Variants in PITPNM2 observed in about 807,000 individuals in gnomAD.
The protein encoded by PITPNM2 is phosphatidylinositol transfer protein membrane associated 2.
PITPNM2 carries 35 observed loss-of-function variants against 132.2 expected under a neutral mutation model. That is an observed-to-expected ratio of 0.26 (90% CI 0.20 to 0.35). The LOEUF (loss-of-function observed/expected upper bound fraction) is 0.35. Among genes scored for constraint, PITPNM2 ranks in the 10% least tolerant of loss-of-function variants. PITPNM2 has a pLI of 1.00. For missense variants in PITPNM2, 1,332 were observed against 1,912.0 expected, an observed-to-expected ratio of 0.70 and a Z score of 5.66; for synonymous variants, 738 against 799.2, an observed-to-expected ratio of 0.92 and a Z score of 1.29.
chr12:123,120,057 G>A (rs1324780580), intron 1 of PITPNM2, among the ~76,000 whole-genome samples: 3 of 152,134 alleles, frequency 2.0e-5, no homozygotes, highest in South Asian at 2.1e-4. Context: ...ATGGCCTGCC[G>A]GGGTTTTGCT....
intron 2 of PITPNM2, among the ~76,000 whole-genome samples, chr12:123,103,743 C>A (rs913548009): frequency 6.6e-6 from 1 of 152,178 alleles, no homozygotes; most frequent in African/African-American, 2.4e-5. Context: ...CAAGTCACTT[C>A]TTTTCTTAGG....
intron 2 of PITPNM2, among the ~76,000 whole-genome samples, chr12:123,065,019 C>T (rs1368737099): frequency 6.6e-6 from 1 of 152,230 alleles, no homozygotes; most frequent in Non-Finnish European, 1.5e-5. Context: ...CAGAGCCTTG[C>T]TCAGAGTCTC....
rs189776824 is a variant in PITPNM2 at position 123,023,244 on chromosome 12, G to A, written c.79-9202C>T. Among the ~76,000 whole-genome samples the A allele has an allele frequency of 6.6e-6, 1 of 152,340 alleles. No individual in the cohort carries two copies. The highest frequency in any genetic ancestry group is 2.4e-5 in the African/African-American group (1 of 41,576). On this transcript the variant is annotated intron_variant, in intron 3 of 25. Coordinates refer to ENST00000320201, the MANE Select transcript of PITPNM2 (RefSeq NM_020845.3). This position sits in a 1 kb window ranked among gnomAD's most constrained non-coding sequence, Gnocchi z 4.8. ...ACTGAGGGCTGTGCTCCCTGTGAGG[G>A]GCTCACTGAAGCTGCCACTCAGAAT...
intron 19 of PITPNM2, 48 bp downstream of exon 19, chr12:122,988,676 G>A (rs1276643883): frequency 1.3e-6 from 2 of 1,514,748 alleles, no homozygotes; most frequent in South Asian, 1.2e-5. Flanking sequence ...GCCCTGTCAT[G>A]GGTGTTGTCA....
At chr12:123,001,189 A>T (rs760841299) in intron 8 of PITPNM2, 31 bp from the exon 9 acceptor site, 4 of 1,578,190 alleles carry the variant, frequency 2.5e-6, no homozygotes, top group Non-Finnish European at 8.7e-7. Context: ...CTCAGGTGGG[A>T]CTGGGAACGC....
At chr12:123,085,732 A>G (rs1326355142) in intron 2 of PITPNM2, among the ~76,000 whole-genome samples, 1 of 152,254 alleles carries the variant, frequency 6.6e-6, no homozygotes, top group African/African-American at 2.4e-5. Flanking sequence ...CCAAAATGCA[A>G]CTTGAAGATA....
chr12:123,031,320 A>G lies in PITPNM2; in HGVS notation c.78+3193T>C, dbSNP rs1424637000. On this transcript the variant is annotated intron_variant, in intron 3 of 25. Coordinates refer to ENST00000320201, the MANE Select transcript of PITPNM2 (RefSeq NM_020845.3). This position sits in a 1 kb window ranked among gnomAD's most constrained non-coding sequence, Gnocchi z 4.5. ...GGGCACACGACCTATGGGCCTGGCA[A>G]TATCTTGGAGCTCATTTTGTTGGAG... 1.3e-5 allele frequency among the ~76,000 whole-genome samples: 2 copies of G among 152,178 alleles called. No homozygotes were observed. The highest frequency in any genetic ancestry group is 4.8e-5 in the African/African-American group (2 of 41,450).
chr12:123,024,835 C>T (rs976902395), intron 3 of PITPNM2, among the ~76,000 whole-genome samples: 3 of 152,052 alleles, frequency 2.0e-5, no homozygotes, highest in Admixed American at 6.6e-5. Context: ...GACGGTTGTA[C>T]AACTCTGAAT....
rs147923595 is a variant in PITPNM2, at chr12:123,031,080, T to C, written c.78+3433A>G. On this transcript the variant is annotated intron_variant, in intron 3 of 25. Transcript: ENST00000320201. This position sits in a 1 kb window ranked among gnomAD's most constrained non-coding sequence, Gnocchi z 4.5. ...AACTAAAGTTGGTGGTTGCACAACA[T>C]TGTGAGTATACTAAATGCCACTGAA... is the stretch of plus-strand genomic sequence containing the variant. Among the ~76,000 whole-genome samples, 3 of 152,320 alleles carry C rather than the reference T, an allele frequency of 2.0e-5. No homozygotes were observed. Among genetic ancestry groups the C allele is most frequent in the African/African-American group, 7.2e-5 (3 of 41,576 alleles).
chr12:122,985,934 C>T lies in PITPNM2; in HGVS notation c.*93G>A. The stretch of plus-strand genomic sequence containing the variant: ...AAGGCCCTGGGACAATCTCCCAGGC[C>T]CACGTCAGTGCGTGTGCCCAGGCCA... On this transcript the variant is annotated 3_prime_UTR_variant, in exon 26 of 26. Coordinates refer to ENST00000320201, the MANE Select transcript of PITPNM2 (RefSeq NM_020845.3). 3 of 1,169,800 alleles carry T rather than the reference C, an allele frequency of 2.6e-6. No homozygotes were observed. The highest frequency in any genetic ancestry group is 3.3e-6 in the Non-Finnish European group (3 of 897,056). 72.5% of individuals were successfully genotyped at this position (1,169,800 alleles called of 1,614,324 possible).
At chr12:123,141,326 T>C (rs2043500765) in intron 1 of PITPNM2, among the ~76,000 whole-genome samples, 1 of 152,206 alleles carries the variant, frequency 6.6e-6, no homozygotes, top group Admixed American at 6.5e-5. Context: ...AAGTATGCCA[T>C]GCACTGCGGT....
chr12:122,997,155 C>T (rs970436224), intron 11 of PITPNM2, among the ~76,000 whole-genome samples, 170 bp downstream of exon 11: 7 of 152,232 alleles, frequency 4.6e-5, no homozygotes, highest in African/African-American at 1.7e-4. Flanking sequence ...TCCTGGGACT[C>T]GAGGCTTAGC....
In PITPNM2 at chr12:122,992,044, A is replaced by C; in HGVS notation, c.2404+455T>G. On this transcript the variant is annotated intron_variant, in intron 16 of 25. Transcript: ENST00000320201. This position sits in a 1 kb window ranked among gnomAD's most constrained non-coding sequence, Gnocchi z 6.5. Reference sequence around the variant, plus strand: ...CACACGCTGGGGCAGGGGTCGGGCCAAGCCTACCTGGACCTCCCCTGCCCC... The same window carrying C: ...CACACGCTGGGGCAGGGGTCGGGCCCAGCCTACCTGGACCTCCCCTGCCCC... 1 of 715,214 alleles carries C rather than the reference A, an allele frequency of 1.4e-6. No individual in the cohort carries two copies. Among genetic ancestry groups the C allele is most frequent in the Non-Finnish European group, 2.0e-6 (1 of 512,586 alleles). 44.3% of individuals were successfully genotyped at this position (715,214 alleles called of 1,614,324 possible).
At chr12:123,107,171 G>A (rs558011653) in intron 2 of PITPNM2, among the ~76,000 whole-genome samples, 4 of 152,324 alleles carry the variant, frequency 2.6e-5, no homozygotes, top group South Asian at 2.1e-4. Context: ...TTTGAGGCCT[G>A]TCACAGAGAC....
Position 122,989,894 on chromosome 12 carries a change from G to C in PITPNM2, c.2624C>G (p.Ala875Gly). The change falls in exon 18 of 26, where the codon GCC (alanine) becomes GGC (glycine). Residue 875 changes from alanine to glycine, a missense_variant. Coordinates refer to ENST00000320201, the MANE Select transcript of PITPNM2 (RefSeq NM_020845.3). Reference sequence around the variant, plus strand: ...GGTGGTGGGGCTGGGGGCGGGCAGGGCGAGCAGGGACAGACGCCTGACGCT... The same window carrying C: ...GGTGGTGGGGCTGGGGGCGGGCAGGCCGAGCAGGGACAGACGCCTGACGCT... ...TPSVRRLSLLALPAPSPTTPG... is the reference protein window; with the variant it reads ...TPSVRRLSLLGLPAPSPTTPG... 7.5e-7 allele frequency: 1 copy of C among 1,328,682 alleles called. No individual in the cohort carries two copies. The allele number at this position is 1,328,682 out of a possible 1,614,324, so 82.3% of individuals were successfully genotyped here. A position where few individuals can be genotyped will look rare whatever the true frequency, so the allele number is the denominator to read the frequency against.
At position 123,036,705 on chromosome 12, in the gene PITPNM2, C is replaced by A. The variant is rs554227723; in HGVS notation, c.-95-2020G>T. ...GCCCCTTGGAGGTCTCTGACCCAGACTCCCCATGGTGCTGCTGAGCAGCAT... is the reference window on the plus strand; with the variant it reads ...GCCCCTTGGAGGTCTCTGACCCAGAATCCCCATGGTGCTGCTGAGCAGCAT... On this transcript the variant is annotated intron_variant, in intron 2 of 25. Coordinates refer to ENST00000320201, the MANE Select transcript of PITPNM2 (RefSeq NM_020845.3). The surrounding 1 kb of genome is among the most constrained non-coding windows in gnomAD (Gnocchi z 4.1). Among the ~76,000 whole-genome samples the A allele has an allele frequency of 6.6e-6, 1 of 152,346 alleles. No individual in the cohort carries two copies.
chr12:123,092,843 T>TC (rs1566289141), intron 2 of PITPNM2: 1 of 152,136 alleles, frequency 6.6e-6, no homozygotes, highest in Non-Finnish European at 1.5e-5. Flanking sequence ...CCTCGACCTC[T>TC]CCCCCGAGCC....
intron 1 of PITPNM2, among the ~76,000 whole-genome samples, chr12:123,149,495 A>G (rs1170716251): frequency 6.6e-6 from 1 of 152,202 alleles, no homozygotes; most frequent in Non-Finnish European, 1.5e-5. Context: ...CAGACAAGCT[A>G]TGGTCCCAGA....
rs757950017 is a variant in PITPNM2, at chr12:122,988,221, G to C, written c.2997+13C>G. 1.5e-5 allele frequency: 24 copies of C among 1,608,798 alleles called. No homozygotes were observed. In the Middle Eastern group the frequency reaches 5.0e-4, roughly 33 times the overall value. ...TGACATCGTGGGGGCCTGGGCGCCC[G>C]GGGGACCCTCACCCGCAGCTTCACG... On this transcript the variant is annotated intron_variant, in intron 20 of 25. Coordinates refer to ENST00000320201, the MANE Select transcript of PITPNM2 (RefSeq NM_020845.3).
Sources: gnomAD v4.1 joint callset for allele counts (sites outside exome capture counted in the v4.1 genomes callset) on GRCh38, gnomAD v4.1.1 for gene constraint, Gnocchi (gnomAD v3.1) non-coding constraint, MANE v1.5 for transcripts, NCBI Gene and HGNC (gene_info 2026-07-23, HGNC 2026-07-21) for gene names.